Variants in GRM8 observed in about 807,000 individuals in gnomAD.
The protein encoded by GRM8 is metabotropic glutamate receptor 8.
GRM8 carries 47 observed loss-of-function variants against 87.2 expected under a neutral mutation model. That is an observed-to-expected ratio of 0.54 (90% CI 0.43 to 0.69). The LOEUF is 0.69. GRM8 is among the 30% of genes least tolerant of loss of function. GRM8 has a pLI of 0.00. For missense variants in GRM8, 1,019 were observed against 1,139.2 expected (o/e 0.89, Z 1.52); for synonymous variants, 396 against 404.5 (o/e 0.98, Z 0.25).
chr7:126,931,644 T>G (rs937392154), intron 3 of GRM8, among the ~76,000 whole-genome samples: 1 of 152,136 alleles, frequency 6.6e-6, no homozygotes, highest in African/African-American at 2.4e-5. Flanking sequence ...AACTGAACAA[T>G]GTAAATATGT....
intron 9 of GRM8, among the ~76,000 whole-genome samples, chr7:126,492,500 G>C (rs962300587): frequency 1.3e-5 from 2 of 152,028 alleles, no homozygotes; most frequent in Admixed American, 1.3e-4. Context: ...ACTTACACAA[G>C]GGCATGGTCA....
At chr7:126,546,960 C>G (rs1331800196) in intron 8 of GRM8, among the ~76,000 whole-genome samples, 1 of 152,112 alleles carries the variant, frequency 6.6e-6, no homozygotes, top group Non-Finnish European at 1.5e-5. Context: ...ATTAGTTTTA[C>G]CAAGTAAAAA....
chr7:127,159,403 T>A (rs1792949537), intron 2 of GRM8, among the ~76,000 whole-genome samples: 1 of 152,158 alleles, frequency 6.6e-6, no homozygotes, highest in Non-Finnish European at 1.5e-5. Flanking sequence ...ACATAGAATG[T>A]CAGGAGAAAA....
At chr7:126,981,990 ATATC>A (rs902400084) in intron 3 of GRM8, among the ~76,000 whole-genome samples, 4 of 152,084 alleles carry the variant, frequency 2.6e-5, no homozygotes, top group South Asian at 2.1e-4. Context: ...ATCTATATCT[ATATC>A]TATCTATTTA....
At chr7:126,653,112 G>A (rs1265260004) in intron 7 of GRM8, among the ~76,000 whole-genome samples, 2 of 152,050 alleles carry the variant, frequency 1.3e-5, no homozygotes, top group Non-Finnish European at 2.9e-5. Flanking sequence ...AAACCAGCCA[G>A]GCAAGATAGT....
At chr7:127,141,186 G>A (rs186664112) in intron 2 of GRM8, among the ~76,000 whole-genome samples, 16 of 151,932 alleles carry the variant, frequency 1.1e-4, no homozygotes, top group African/African-American at 2.2e-4. Context: ...CCAACCCTGC[G>A]GCTCTCATCC....
intron 9 of GRM8, 94 bp from the exon 10 acceptor site, chr7:126,446,466 C>G (rs1329530655): frequency 6.0e-6 from 5 of 829,620 alleles, no homozygotes; most frequent in Non-Finnish European, 9.4e-6. Context: ...GTTCCAGCTT[C>G]TCTGCTAAAG....
intron 3 of GRM8, among the ~76,000 whole-genome samples, chr7:126,975,175 A>C (rs916226719): frequency 6.6e-6 from 1 of 152,150 alleles, no homozygotes; most frequent in Non-Finnish European, 1.5e-5. Context: ...ACTTAGAAGA[A>C]GACTTCTCCC....
intron 6 of GRM8, among the ~76,000 whole-genome samples, chr7:126,826,300 A>T (rs1794787814): frequency 6.6e-6 from 1 of 152,130 alleles, no homozygotes; most frequent in Non-Finnish European, 1.5e-5. Context: ...CGCCACACTG[A>T]CTTCCACAAT....
intron 6 of GRM8, among the ~76,000 whole-genome samples, chr7:126,798,316 T>A (rs188600130): frequency 6.6e-6 from 1 of 152,274 alleles, no homozygotes. Context: ...AGGAGAGTCC[T>A]GATGGGCAAA....
intron 9 of GRM8, among the ~76,000 whole-genome samples, chr7:126,515,685 C>G (rs1696443845): frequency 6.6e-6 from 1 of 152,020 alleles, no homozygotes; most frequent in African/African-American, 2.4e-5. Context: ...TGGCTCATGG[C>G]CCCTTCCATC....
chr7:126,954,217 T>C (rs1808453502), intron 3 of GRM8, among the ~76,000 whole-genome samples: 1 of 152,162 alleles, frequency 6.6e-6, no homozygotes, highest in Admixed American at 6.5e-5. Flanking sequence ...GCAAACTTCC[T>C]TGGAAGTCAA....
chr7:126,442,067 C>T (rs1430470740), intron 10 of GRM8, among the ~76,000 whole-genome samples: 1 of 151,836 alleles, frequency 6.6e-6, no homozygotes, highest in Non-Finnish European at 1.5e-5. Flanking sequence ...TCAAAACCTA[C>T]AATACTGTGT....
chr7:126,703,055 T>G (rs967321187), intron 7 of GRM8, among the ~76,000 whole-genome samples: 18 of 152,112 alleles, frequency 1.2e-4, no homozygotes, highest in African/African-American at 4.3e-4. Context: ...GGAGTCTGAT[T>G]AGGGCCATGT....
chr7:127,072,584 CTGTT>C (rs2132690840), intron 3 of GRM8, among the ~76,000 whole-genome samples: 1 of 150,720 alleles, frequency 6.6e-6, no homozygotes, highest in East Asian at 1.9e-4. Flanking sequence ...AATTTTATGT[CTGTT>C]TGTTGCCCAT....
At chr7:126,865,456 T>C (rs1196430839) in intron 6 of GRM8, among the ~76,000 whole-genome samples, 1 of 152,218 alleles carries the variant, frequency 6.6e-6, no homozygotes, top group Non-Finnish European at 1.5e-5. Context: ...GCATTTAAAA[T>C]GAACAATTCA....
chr7:126,886,067 G>A (rs902664238), intron 6 of GRM8, among the ~76,000 whole-genome samples: 77 of 152,056 alleles, frequency 5.1e-4, no homozygotes, highest in African/African-American at 1.8e-3. Context: ...GTACAATGAC[G>A]TTCAGCTTAA....
Position 126,609,392 on chromosome 7 carries a change from G to A in GRM8, c.1464C>T (p.Ile488=), listed in dbSNP as rs769198. The A allele has an allele frequency of 2.2e-3, 3,584 of 1,613,276 alleles. 13 individuals are homozygous for A. The highest frequency in any genetic ancestry group is 7.6e-3 in the Admixed American group (459 of 60,008). ...ITNKSTEYKV[I]GHWTNQLHLK... is the part of the protein sequence containing the mutation. ...GATGAAGCTGATTGGTCCAGTGGCCGATGACTTTGTACTCTGTGCTTTTGT... is the reference window on the plus strand; with the variant it reads ...GATGAAGCTGATTGGTCCAGTGGCCAATGACTTTGTACTCTGTGCTTTTGT... The change falls in exon 8 of 11, where the codon ATC becomes ATT. Residue 488 remains isoleucine (I), a synonymous_variant. Coordinates refer to ENST00000339582, the MANE Select transcript of GRM8 (RefSeq NM_000845.3).
intron 2 of GRM8, among the ~76,000 whole-genome samples, chr7:127,172,664 T>C (rs914762629): frequency 2.0e-5 from 3 of 150,402 alleles, no homozygotes; most frequent in East Asian, 3.9e-4. Context: ...GCCGAGATCA[T>C]GCCATTAGCA....
Sources: gnomAD v4.1 joint callset for allele counts (sites outside exome capture counted in the v4.1 genomes callset) on GRCh38, gnomAD v4.1.1 for gene constraint, MANE v1.5 for transcripts, NCBI Gene and HGNC (gene_info 2026-07-23, HGNC 2026-07-21) for gene names.